PDSS2: variants seen among roughly 807,000 people sequenced by gnomAD.
The protein encoded by PDSS2 is decaprenyl diphosphate synthase subunit 2, also known as all trans-polyprenyl-diphosphate synthase PDSS2.
Under a neutral mutation model 44.5 loss-of-function variants are expected in PDSS2, and 31 were observed. The ratio of observed to expected loss-of-function variants is 0.70; its 90% CI spans 0.52 to 0.94. PDSS2 has a LOEUF of 0.94. PDSS2 is among the 40% of genes least tolerant of loss of function. The pLI is 0.00. For synonymous variants in PDSS2, 157 were observed against 180.3 expected, an observed-to-expected ratio of 0.87 and a Z score of 1.03; for missense variants, 452 against 482.2, an observed-to-expected ratio of 0.94 and a Z score of 0.59.
At chr6:107,163,811 C>T (rs917133309) in intron 7 of PDSS2, among the ~76,000 whole-genome samples, 2 of 152,164 alleles carry the variant, frequency 1.3e-5, no homozygotes, top group Non-Finnish European at 2.9e-5. Flanking sequence ...CCACGTTGGC[C>T]AGGCTGGTCT....
At chr6:107,386,920 G>C (rs1275188429) in intron 1 of PDSS2, among the ~76,000 whole-genome samples, 1 of 152,178 alleles carries the variant, frequency 6.6e-6, no homozygotes, top group Non-Finnish European at 1.5e-5. Context: ...AGCTAGGGTT[G>C]TCCCAGCTAT....
chr6:107,404,389 T>G (rs192590264), intron 1 of PDSS2, among the ~76,000 whole-genome samples: 1 of 152,318 alleles, frequency 6.6e-6, no homozygotes, highest in Admixed American at 6.5e-5. Context: ...TGTTTCCATA[T>G]TTTTGGGTAT....
At chr6:107,225,349 C>A (rs1482354590) in intron 4 of PDSS2, among the ~76,000 whole-genome samples, 2 of 150,258 alleles carry the variant, frequency 1.3e-5, no homozygotes, top group Non-Finnish European at 3.0e-5. Context: ...ATTTTTGTAT[C>A]ACTGTATTGG....
intron 4 of PDSS2, among the ~76,000 whole-genome samples, chr6:107,234,523 A>AT (rs11313991): frequency 0.24 from 35,504 of 147,232 alleles, 4,719 homozygotes; most frequent in African/African-American, 0.37. Context: ...ATCTTACTAG[A>AT]TTTTTTTTTT....
rs539704114 is a variant in PDSS2 at position 107,240,398 on chromosome 6, C to T, written c.702+5150G>A. On this transcript the variant is annotated intron_variant, in intron 4 of 7. Transcript: ENST00000369037. ...TCTGGATGATAGAGTGAGACCCTAC[C>T]TTTTTTTTTTTTTTTTTTTTGAAAC... Among the ~76,000 whole-genome samples, 41 of 131,000 alleles carry T rather than the reference C, an allele frequency of 3.1e-4. No homozygotes were observed. In the South Asian group the frequency reaches 9.5e-3, roughly 30 times the overall value. The allele number at this position is 131,000 out of a possible 152,430, so 85.9% of individuals were successfully genotyped here.
chr6:107,430,360 C>T (rs1340940119), intron 1 of PDSS2, among the ~76,000 whole-genome samples: 1 of 151,986 alleles, frequency 6.6e-6, no homozygotes, highest in African/African-American at 2.4e-5. Context: ...AGTAGCCAGG[C>T]GTGGTGGCGT....
intron 4 of PDSS2, among the ~76,000 whole-genome samples, chr6:107,214,173 G>A (rs942301747): frequency 6.7e-6 from 1 of 150,366 alleles, no homozygotes; most frequent in African/African-American, 2.5e-5. Context: ...GCGCGATCTC[G>A]GCTCACTGCA....
At chr6:107,164,868 G>A (rs1421167653) in intron 7 of PDSS2, among the ~76,000 whole-genome samples, 3 of 152,206 alleles carry the variant, frequency 2.0e-5, no homozygotes, top group African/African-American at 7.2e-5. Flanking sequence ...TCTAACTGGT[G>A]TGAGATGGTA....
chr6:107,161,618 T>C (rs929363086), intron 7 of PDSS2, among the ~76,000 whole-genome samples: 1 of 152,188 alleles, frequency 6.6e-6, no homozygotes, highest in Admixed American at 6.5e-5. Context: ...TAAAGTTTTG[T>C]TGGGGAATAA....
Position 107,163,626 on chromosome 6 carries a change from G to A in PDSS2, c.1042-8849C>T, listed in dbSNP as rs374766438. Among the ~76,000 whole-genome samples the A allele has an allele frequency of 3.4e-4, 51 of 150,212 alleles. No individual in the cohort carries two copies. In the East Asian group the frequency reaches 6.8e-3, roughly 20 times the overall value. On this transcript the variant is annotated intron_variant, in intron 7 of 7. Transcript: ENST00000369037. ...TTTTTTTTTTTTTCTTTTTTGAGAC[G>A]GAGTCTTGCTCTGTCACCCAGGCTG...
intron 1 of PDSS2, among the ~76,000 whole-genome samples, chr6:107,446,317 A>G (rs1268256274): frequency 6.6e-6 from 1 of 152,148 alleles, no homozygotes; most frequent in African/African-American, 2.4e-5. Flanking sequence ...TCCATCTAAA[A>G]AAAAAAGAAA....
At position 107,186,476 on chromosome 6, in the gene PDSS2, GT is replaced by G. The variant is rs34710642; in HGVS notation, c.1041+7345del. Among the ~76,000 whole-genome samples, 1,479 of 150,404 alleles carry G rather than the reference GT, an allele frequency of 9.8e-3. 22 individuals carry two copies. Among genetic ancestry groups the G allele is most frequent in the Non-Finnish European group, 0.013 (910 of 67,562 alleles). ...AGTGCATGACTGAAATAATTATATA[GT>G]TTTTTTTTTACTCTTTATTATTTTA... On this transcript the variant is annotated intron_variant, in intron 7 of 7. Coordinates refer to ENST00000369037, the MANE Select transcript of PDSS2 (RefSeq NM_020381.4).
rs148141273 is a variant in PDSS2, at chr6:107,316,104, T to C, written c.431+18094A>G. The stretch of plus-strand genomic sequence containing the variant: ...TTGTCAGGTCCACATATGGTCAAAT[T>C]TCAGAGTGGATGAATGTATTATCCA... On this transcript the variant is annotated intron_variant, in intron 2 of 7. Coordinates refer to ENST00000369037, the MANE Select transcript of PDSS2 (RefSeq NM_020381.4). Among the ~76,000 whole-genome samples, 301 of 152,288 alleles carry C rather than the reference T, an allele frequency of 2.0e-3. 8 individuals carry two copies. In the East Asian group the frequency reaches 0.054, roughly 27 times the overall value.
chr6:107,243,909 A>G lies in PDSS2; in HGVS notation c.702+1639T>C, dbSNP rs951286260. On this transcript the variant is annotated intron_variant, in intron 4 of 7. Coordinates refer to ENST00000369037, the MANE Select transcript of PDSS2 (RefSeq NM_020381.4). ...TTTGGGAGGCTGAGGTGGGCAGATC[A>G]CCTGAGGTCAGGAGGTCAAGACCAG... 2.0e-5 allele frequency among the ~76,000 whole-genome samples: 3 copies of G among 152,254 alleles called. No homozygotes were observed. The South Asian group carries it at 6.2e-4, about 32-fold the overall frequency.
intron 1 of PDSS2, among the ~76,000 whole-genome samples, chr6:107,457,683 G>C (rs1782088929): frequency 6.6e-6 from 1 of 152,166 alleles, no homozygotes; most frequent in Non-Finnish European, 1.5e-5. Flanking sequence ...ATATGAAAAT[G>C]TTCCTAATTG....
intron 1 of PDSS2, among the ~76,000 whole-genome samples, chr6:107,375,182 G>GA (rs1194244375): frequency 6.6e-6 from 1 of 151,284 alleles, no homozygotes; most frequent in East Asian, 1.9e-4. Flanking sequence ...TAAGAAACCA[G>GA]AAAAAGAGCG....
At chr6:107,358,366 G>A (rs1192106037) in intron 1 of PDSS2, among the ~76,000 whole-genome samples, 2 of 152,156 alleles carry the variant, frequency 1.3e-5, no homozygotes, top group African/African-American at 4.8e-5. Context: ...TTCCAAGTAT[G>A]TTCTGAAAAT....
chr6:107,279,806 A>G (rs1354214897), intron 2 of PDSS2, among the ~76,000 whole-genome samples: 2 of 152,192 alleles, frequency 1.3e-5, no homozygotes, highest in African/African-American at 4.8e-5. Flanking sequence ...CTGTGCTCTC[A>G]GATTCTAAGA....
At chr6:107,265,870 G>A (rs553394712) in intron 3 of PDSS2, among the ~76,000 whole-genome samples, 22 of 152,320 alleles carry the variant, frequency 1.4e-4, no homozygotes, top group African/African-American at 3.4e-4. Context: ...AACCCGAGAG[G>A]CGGAGGTTGC....
Sources: allele counts gnomAD v4.1 joint callset (sites outside exome capture counted in the v4.1 genomes callset), GRCh38; gene constraint gnomAD v4.1.1; transcripts MANE v1.5; gene names NCBI Gene and HGNC (gene_info 2026-07-23, HGNC 2026-07-21).